HS6ST3: variants seen among roughly 807,000 people sequenced by gnomAD.
HS6ST3 encodes the protein heparan-sulfate 6-O-sulfotransferase 3.
A neutral mutation model predicts 36.7 loss-of-function variants in HS6ST3; 12 were observed. The ratio of observed to expected loss-of-function variants is 0.33; its 90% CI spans 0.21 to 0.53. The LOEUF is 0.53. Ranked by LOEUF, HS6ST3 falls within the 20% of genes least tolerant of loss-of-function variation. The pLI is 0.95. For missense variants in HS6ST3, 584 were observed against 640.9 expected (o/e 0.91, Z 0.96); for synonymous variants, 240 against 257.5 (o/e 0.93, Z 0.65).
At chr13:96,275,921 G>A (rs148354404) in intron 1 of HS6ST3, among the ~76,000 whole-genome samples, 4 of 149,484 alleles carry the variant, frequency 2.7e-5, no homozygotes, top group Admixed American at 6.7e-5. Context: ...AATTCTGTGT[G>A]CAAAGCCTCT....
chr13:96,745,887 T>G (rs1019216661), intron 1 of HS6ST3, among the ~76,000 whole-genome samples: 1 of 152,036 alleles, frequency 6.6e-6, no homozygotes, highest in Admixed American at 6.6e-5. Context: ...CCTGGAACCT[T>G]CCTTTCATCT....
At chr13:96,699,517 C>T (rs1875227783) in intron 1 of HS6ST3, among the ~76,000 whole-genome samples, 1 of 152,184 alleles carries the variant, frequency 6.6e-6, no homozygotes, top group South Asian at 2.1e-4. Flanking sequence ...CACTGGCCAT[C>T]AGAGAAATGC....
chr13:96,573,801 T>C (rs1327642807), intron 1 of HS6ST3: 4 of 378,082 alleles, frequency 1.1e-5, no homozygotes, highest in African/African-American at 4.3e-5. Flanking sequence ...CAGCAGCAGA[T>C]AGGAGAGTGT....
chr13:96,229,010 A>G (rs1417891758), intron 1 of HS6ST3, among the ~76,000 whole-genome samples: 2 of 152,174 alleles, frequency 1.3e-5, no homozygotes, highest in African/African-American at 2.4e-5. Context: ...AAGAAAAGGC[A>G]GAAGATGCTT....
chr13:96,700,110 C>T (rs1283145122), intron 1 of HS6ST3, among the ~76,000 whole-genome samples: 3 of 152,122 alleles, frequency 2.0e-5, no homozygotes, highest in Admixed American at 6.5e-5. Context: ...TGTATTAGTC[C>T]ATTTTCACAC....
At chr13:96,558,060 G>A (rs1398535107) in intron 1 of HS6ST3, among the ~76,000 whole-genome samples, 2 of 152,074 alleles carry the variant, frequency 1.3e-5, no homozygotes, top group Non-Finnish European at 2.9e-5. Flanking sequence ...TGTAATTATC[G>A]TTTTTCTTTA....
At chr13:96,233,763 G>A (rs545241647) in intron 1 of HS6ST3, among the ~76,000 whole-genome samples, 40 of 152,264 alleles carry the variant, frequency 2.6e-4, no homozygotes, top group African/African-American at 8.9e-4. Context: ...GCAGCAAGCT[G>A]ATAATGACTT....
At chr13:96,753,796 A>G (rs1388783661) in intron 1 of HS6ST3, among the ~76,000 whole-genome samples, 2 of 152,038 alleles carry the variant, frequency 1.3e-5, no homozygotes, top group Non-Finnish European at 2.9e-5. Flanking sequence ...GATTAACCTT[A>G]CTTTTAGGGA....
chr13:96,408,928 A>AAAAAG (rs376645436), intron 1 of HS6ST3, among the ~76,000 whole-genome samples: 5 of 152,140 alleles, frequency 3.3e-5, no homozygotes, highest in East Asian at 1.9e-4. Context: ...CGTCTCAAAA[A>AAAAAG]AAAAGAAAAG....
intron 1 of HS6ST3, among the ~76,000 whole-genome samples, chr13:96,418,205 T>C (rs1445953461): frequency 2.0e-5 from 3 of 152,192 alleles, no homozygotes; most frequent in Non-Finnish European, 4.4e-5. Context: ...AAAAAACACT[T>C]GTTTGCAGCA....
chr13:96,832,412 C>T (rs1402491445), intron 1 of HS6ST3, 78 bp from the exon 2 acceptor site: 26 of 1,066,640 alleles, frequency 2.4e-5, no homozygotes, highest in African/African-American at 6.4e-5. Context: ...GACTCAATGC[C>T]GATGTAAAAT....
intron 1 of HS6ST3, among the ~76,000 whole-genome samples, chr13:96,098,619 C>T (rs996169388): frequency 6.6e-5 from 10 of 151,878 alleles, no homozygotes; most frequent in Non-Finnish European, 1.0e-4. Flanking sequence ...CCCAGGAGTT[C>T]GAGACCAGCC....
intron 1 of HS6ST3, among the ~76,000 whole-genome samples, chr13:96,505,746 A>T (rs925723856): frequency 1.5e-4 from 23 of 152,188 alleles, no homozygotes; most frequent in African/African-American, 5.5e-4. Context: ...CAGAGAAAAG[A>T]TATACATCTC....
At chr13:96,254,167 G>T (rs1039496725) in intron 1 of HS6ST3, among the ~76,000 whole-genome samples, 1 of 151,764 alleles carries the variant, frequency 6.6e-6, no homozygotes, top group African/African-American at 2.4e-5. Context: ...TGTAATCCCA[G>T]CACTTTGGGA....
chr13:96,710,249 G>A (rs1442247312), intron 1 of HS6ST3, among the ~76,000 whole-genome samples: 1 of 152,262 alleles, frequency 6.6e-6, no homozygotes, highest in Non-Finnish European at 1.5e-5. Context: ...AGTAAGCAGT[G>A]TCATCTGAAA....
At chr13:96,153,377 T>C (rs2054096157) in intron 1 of HS6ST3, among the ~76,000 whole-genome samples, 1 of 152,150 alleles carries the variant, frequency 6.6e-6, no homozygotes, top group Admixed American at 6.5e-5. Context: ...ATCTGTGCAA[T>C]GCGGGGGTAT....
chr13:96,183,348 C>G (rs190029387), intron 1 of HS6ST3, among the ~76,000 whole-genome samples: 1 of 152,064 alleles, frequency 6.6e-6, no homozygotes, highest in Admixed American at 6.6e-5. Flanking sequence ...CTTAGATGCT[C>G]GAGGTGGAAG....
At chr13:96,493,911 T>C (rs1298541117) in intron 1 of HS6ST3, among the ~76,000 whole-genome samples, 1 of 152,222 alleles carries the variant, frequency 6.6e-6, no homozygotes, top group African/African-American at 2.4e-5. Flanking sequence ...GCAGAATGGC[T>C]AAGTGAATTA....
At position 96,508,932 on chromosome 13, in the gene HS6ST3, G is replaced by C. The variant is rs190812140; in HGVS notation, c.708-323558G>C. Among the ~76,000 whole-genome samples the C allele has an allele frequency of 7.1e-4, 108 of 152,116 alleles. 1 individual carries two copies. The highest frequency in any genetic ancestry group is 4.3e-4 in the Non-Finnish European group (29 of 67,970). ...GGATCAAATGGTAGATCTCCATATA[G>C]TTTTCCATAGAGGTTGTACTAATTT... On this transcript the variant is annotated intron_variant, in intron 1 of 1. Coordinates refer to ENST00000376705, the MANE Select transcript of HS6ST3 (RefSeq NM_153456.4).
Sources: gnomAD v4.1 joint callset for allele counts (sites outside exome capture counted in the v4.1 genomes callset) on GRCh38, gnomAD v4.1.1 for gene constraint, MANE v1.5 for transcripts, NCBI Gene and HGNC (gene_info 2026-07-23, HGNC 2026-07-21) for gene names.